PIKFYVE: variants seen among roughly 807,000 people sequenced by gnomAD.
PIKFYVE encodes 1-phosphatidylinositol 3-phosphate 5-kinase.
Under a neutral mutation model 257.9 loss-of-function variants are expected in PIKFYVE, and 122 were observed. The observed-to-expected ratio is 0.47, with a 90% CI of 0.41 to 0.55. The LOEUF is 0.55. PIKFYVE is among the 20% of genes least tolerant of loss of function. PIKFYVE has a pLI of 0.00. For missense variants in PIKFYVE, 2,160 were observed against 2,536.6 expected, an observed-to-expected ratio of 0.85 and a Z score of 3.19; for synonymous variants, 892 against 868.9, an observed-to-expected ratio of 1.03 and a Z score of -0.47.
At chr2:208,315,164 CA>C (rs765789638) in intron 14 of PIKFYVE, 28 bp from the exon 15 acceptor site, 4 of 1,588,700 alleles carry the variant, frequency 2.5e-6, no homozygotes. Context: ...ATTAACTATG[CA>C]AACTTCTTTC....
chr2:208,304,973 C>T lies in PIKFYVE; in HGVS notation c.1596C>T (p.Ser532=). ...TGAACTTCCATATCAAGAAGCCCTC[C>T]AAGTACCCACATGTGCCCCCTCACC... ...DNVNFHIKKP[S]KYPHVPPHPA... Residue 532 remains serine (S), a synonymous_variant, in exon 12 of 42, where the codon TCC becomes TCT. Coordinates refer to ENST00000264380, the MANE Select transcript of PIKFYVE (RefSeq NM_015040.4). 6.2e-7 allele frequency: 1 copy of T among 1,614,106 alleles called. No homozygotes were observed. Among genetic ancestry groups the T allele is most frequent in the South Asian group, 1.1e-5 (1 of 91,080 alleles).
At chr2:208,355,166 C>T (rs755252747) in intron 41 of PIKFYVE, 24 bp from the exon 42 acceptor site, 3 of 1,570,750 alleles carry the variant, frequency 1.9e-6, no homozygotes, top group East Asian at 4.5e-5. Context: ...AGCTTTTTCC[C>T]CCTTTTCTCT....
rs1440007081 is a variant in PIKFYVE, at chr2:208,353,948, T to C, written c.5895T>C (p.Thr1965=). 6.2e-7 allele frequency: 1 copy of C among 1,613,920 alleles called. No individual in the cohort carries two copies. The highest frequency in any genetic ancestry group is 8.5e-7 in the Non-Finnish European group (1 of 1,179,962). Residue 1965 remains threonine, a synonymous_variant, in exon 40 of 42, where the codon ACT becomes ACC. Coordinates refer to ENST00000264380, the MANE Select transcript of PIKFYVE (RefSeq NM_015040.4). The stretch of plus-strand genomic sequence containing the variant: ...GGAATCGGAATGTAAAAACTGACAC[T>C]GGAAAAGAGAGTTGTGATGTGGTCC... The part of the protein sequence containing the change: ...SLRNRNVKTD[T]GKESCDVVLL...
chr2:208,300,262 G>A (rs12467444), intron 8 of PIKFYVE, among the ~76,000 whole-genome samples: 11 of 152,288 alleles, frequency 7.2e-5, no homozygotes, highest in Admixed American at 7.2e-4. Context: ...TTTTGGATAG[G>A]CAGTGAGGAA....
chr2:208,330,646 A>G lies in PIKFYVE; in HGVS notation c.3915A>G (p.Gly1305=). Residue 1305 remains glycine (G), a synonymous_variant, in exon 23 of 42, where the codon GGA becomes GGG. Coordinates refer to ENST00000264380, the MANE Select transcript of PIKFYVE (RefSeq NM_015040.4). ...AGGAGTTGGATTCTCCAGTACCTGGATATCAGCATACAATTCTTACATATT... is the reference window on the plus strand; with the variant it reads ...AGGAGTTGGATTCTCCAGTACCTGGGTATCAGCATACAATTCTTACATATT... ...ILKELDSPVP[G]YQHTILTYSW... 6.2e-7 allele frequency: 1 copy of G among 1,614,128 alleles called. No individual in the cohort carries two copies. The highest frequency in any genetic ancestry group is 8.5e-7 in the Non-Finnish European group (1 of 1,179,984).
chr2:208,289,861 T>C (rs11677618), intron 7 of PIKFYVE, among the ~76,000 whole-genome samples: 141,607 of 152,084 alleles, frequency 0.93, 66,447 homozygotes, highest in Non-Finnish European at 0.98. Flanking sequence ...AGCCACTGCA[T>C]CTGGCCATCG....
rs1315054718 is a variant in PIKFYVE at position 208,277,530 on chromosome 2, G to A, written c.442-7G>A. ...CAAGAAGCCTTCACACATTTTTATT[G>A]TTATAGGATAGTGACCTGAAACAAT... On this transcript the variant is annotated splice_region_variant and splice_polypyrimidine_tract_variant and intron_variant, in intron 4 of 41. Coordinates refer to ENST00000264380, the MANE Select transcript of PIKFYVE (RefSeq NM_015040.4). 3.7e-6 allele frequency: 6 copies of A among 1,613,272 alleles called. No individual in the cohort carries two copies. The highest frequency in any genetic ancestry group is 5.1e-6 in the Non-Finnish European group (6 of 1,179,334).
In PIKFYVE at chr2:208,276,587, A is replaced by G. The variant is rs918981661; in HGVS notation, c.323-125A>G. The G allele has an allele frequency of 5.3e-5, 41 of 778,254 alleles. No individual in the cohort carries two copies. In the Admixed American group the frequency reaches 6.9e-4, roughly 13 times the overall value. 48.2% of individuals were successfully genotyped at this position (778,254 alleles called of 1,614,324 possible). A position where few individuals can be genotyped will look rare whatever the true frequency, so the allele number is the denominator to read the frequency against. On this transcript the variant is annotated intron_variant, in intron 3 of 41. Coordinates refer to ENST00000264380, the MANE Select transcript of PIKFYVE (RefSeq NM_015040.4). The stretch of plus-strand genomic sequence containing the variant: ...AGACTTGTTTTAACTCTCAATTCAT[A>G]TAACCGGGTGGGAGAACATAATTAT...
chr2:208,332,862 C>T (rs1697707312), intron 23 of PIKFYVE, among the ~76,000 whole-genome samples: 1 of 151,984 alleles, frequency 6.6e-6, no homozygotes, highest in Non-Finnish European at 1.5e-5. Context: ...CCTCCACCAC[C>T]CCCAAGTCCA....
intron 35 of PIKFYVE, among the ~76,000 whole-genome samples, chr2:208,348,827 A>C (rs1007407917): frequency 1.9e-4 from 29 of 152,118 alleles, no homozygotes; most frequent in African/African-American, 6.5e-4. Flanking sequence ...CTGTCTCTAT[A>C]TAGAAATAGT....
At chr2:208,343,363 A>G (rs993559837) in intron 32 of PIKFYVE, among the ~76,000 whole-genome samples, 1 of 152,166 alleles carries the variant, frequency 6.6e-6, no homozygotes, top group Non-Finnish European at 1.5e-5. Flanking sequence ...ATACGAGGTA[A>G]AATTTTTCTA....
At chr2:208,293,506 A>G in intron 7 of PIKFYVE, among the ~76,000 whole-genome samples, 1 of 152,172 alleles carries the variant, frequency 6.6e-6, no homozygotes, top group Non-Finnish European at 1.5e-5. Context: ...TTTGTCTAAG[A>G]AAGGCTTTAC....
intron 3 of PIKFYVE, among the ~76,000 whole-genome samples, chr2:208,276,493 C>T (rs1167208693): frequency 6.6e-6 from 1 of 152,148 alleles, no homozygotes; most frequent in African/African-American, 2.4e-5. Flanking sequence ...TCTTAGGCAG[C>T]CTTGACTCGC....
At position 208,314,462 on chromosome 2, in the gene PIKFYVE, T is replaced by C. The variant is rs774873798; in HGVS notation, c.1826+39T>C. On this transcript the variant is annotated intron_variant, in intron 14 of 41. Transcript: ENST00000264380. Reference sequence around the variant, plus strand: ...ATTTTTAATTTTAATTTTTCACTTTTATTATCTTCAGTGACTTGATAAGCA... The same window carrying C: ...ATTTTTAATTTTAATTTTTCACTTTCATTATCTTCAGTGACTTGATAAGCA... 2.5e-6 allele frequency: 4 copies of C among 1,582,906 alleles called. No homozygotes were observed. The East Asian group carries it at 9.3e-5, about 37-fold the overall frequency.
chr2:208,351,485 A>G, intron 38 of PIKFYVE, 30 bp downstream of exon 38: 1 of 1,544,546 alleles, frequency 6.5e-7, no homozygotes, highest in Non-Finnish European at 9.0e-7. Flanking sequence ...GTCTGTAATC[A>G]AAGTTTGGTG....
At position 208,336,363 on chromosome 2, in the gene PIKFYVE, A is replaced by G. The variant is rs541519142; in HGVS notation, c.4520+163A>G. ...TCCTTTCCTCTTTATATTTTAAAATATATGTGGTATATTTTAGGTAGCTTG... is the reference window on the plus strand; with the variant it reads ...TCCTTTCCTCTTTATATTTTAAAATGTATGTGGTATATTTTAGGTAGCTTG... On this transcript the variant is annotated intron_variant, in intron 27 of 41. Transcript: ENST00000264380. Among the ~76,000 whole-genome samples, 7 of 152,286 alleles carry G rather than the reference A, an allele frequency of 4.6e-5. 1 individual carries two copies. The East Asian group carries it at 1.4e-3, about 29-fold the overall frequency.
rs754030177 is a variant in PIKFYVE, at chr2:208,337,292, C to A, written c.4611+364C>A. 2.0e-5 allele frequency among the ~76,000 whole-genome samples: 3 copies of A among 152,004 alleles called. 1 individual carries two copies. In the South Asian group the frequency reaches 6.2e-4, roughly 31 times the overall value. ...CAGTTTTGGTTGTTTTTAAAATCTC[C>A]GTGCTTAAATAAGAGGTTTTTCTTA... On this transcript the variant is annotated intron_variant, in intron 28 of 41. Transcript: ENST00000264380.
intron 1 of PIKFYVE, among the ~76,000 whole-genome samples, chr2:208,270,860 C>T (rs541091569): frequency 1.3e-5 from 2 of 151,914 alleles, no homozygotes; most frequent in East Asian, 1.9e-4. Context: ...ATGGTGAAAC[C>T]CCATCTCTAC....
intron 19 of PIKFYVE, 70 bp from the exon 20 acceptor site, chr2:208,325,199 GA>G: frequency 6.4e-7 from 1 of 1,561,762 alleles, no homozygotes; most frequent in Non-Finnish European, 8.8e-7. Flanking sequence ...TTAAGAGAGT[GA>G]ATTAATTCTA....
Sources: gnomAD v4.1 joint callset for allele counts (sites outside exome capture counted in the v4.1 genomes callset) on GRCh38, gnomAD v4.1.1 for gene constraint, MANE v1.5 for transcripts, NCBI Gene and HGNC (gene_info 2026-07-23, HGNC 2026-07-21) for gene names.